The following P4HA1 variants were observed in gnomAD, a reference collection of about 807,000 sequenced individuals.
P4HA1 encodes the protein prolyl 4-hydroxylase subunit alpha-1.
A neutral mutation model predicts 72.8 loss-of-function variants in P4HA1; 24 were observed. That is an observed-to-expected ratio of 0.33 (90% confidence interval 0.24 to 0.46). The LOEUF (loss-of-function observed/expected upper bound fraction) is 0.46, where lower values mean the gene tolerates loss of function less well. P4HA1 is among the 20% of genes least tolerant of loss of function. P4HA1 has a pLI of 1.00. For missense variants in P4HA1, 446 were observed against 640.6 expected (o/e 0.70, Z 3.28); for synonymous variants, 201 against 218.8 (o/e 0.92, Z 0.72).
Position 73,065,983 on chromosome 10 carries a change from A to G in P4HA1, c.463+2863T>C, listed in dbSNP as rs140813214. ...ACATAGAGTATGATGTACTATTGAC[A>G]TAAAATTTAAAAACACAATACAATG... On this transcript the variant is annotated intron_variant, in intron 5 of 14. Coordinates refer to ENST00000394890, the MANE Select transcript of P4HA1 (RefSeq NM_001017962.3). 4.4e-4 allele frequency among the ~76,000 whole-genome samples: 67 copies of G among 152,346 alleles called. 1 individual carries two copies. Among genetic ancestry groups the G allele is most frequent in the African/African-American group, 1.3e-3 (56 of 41,582 alleles).
chr10:73,050,095 G>A (rs1659135797), intron 7 of P4HA1, among the ~76,000 whole-genome samples: 1 of 151,910 alleles, frequency 6.6e-6, no homozygotes, highest in African/African-American at 2.4e-5. Context: ...GAACCCAGGA[G>A]GCGGAGGTTG....
intron 9 of P4HA1, among the ~76,000 whole-genome samples, chr10:73,030,579 GA>G (rs1167837671): frequency 2.0e-5 from 3 of 152,042 alleles, no homozygotes; most frequent in South Asian, 2.1e-4. Context: ...GGTTGGGAAG[GA>G]AAAAACTAAT....
intron 7 of P4HA1, among the ~76,000 whole-genome samples, chr10:73,049,112 G>A (rs1204980714): frequency 6.1e-5 from 8 of 132,218 alleles, no homozygotes; most frequent in South Asian, 2.6e-4. Flanking sequence ...GCGAGACTCC[G>A]TCTCAGAGAA....
intron 9 of P4HA1, among the ~76,000 whole-genome samples, chr10:73,038,260 GAAAAT>G (rs939513698): frequency 1.3e-5 from 2 of 151,796 alleles, no homozygotes; most frequent in African/African-American, 4.8e-5. Context: ...GTCTCCGAAA[GAAAAT>G]AAAGTAAAAT....
At chr10:73,008,757 C>T (rs1393396606) in intron 14 of P4HA1, among the ~76,000 whole-genome samples, 1 of 152,060 alleles carries the variant, frequency 6.6e-6, no homozygotes, top group African/African-American at 2.4e-5. Context: ...GTATGCTCAT[C>T]AAGTTTCCAA....
At chr10:73,068,147 C>T (rs542063004) in intron 5 of P4HA1, among the ~76,000 whole-genome samples, 82 of 152,236 alleles carry the variant, frequency 5.4e-4, no homozygotes, top group Admixed American at 5.2e-4. Flanking sequence ...TTTTTACCAA[C>T]GGATACCTTC....
intron 5 of P4HA1, 115 bp from the exon 6 acceptor site, chr10:73,053,705 T>C: frequency 2.4e-6 from 2 of 832,766 alleles, no homozygotes; most frequent in Non-Finnish European, 3.7e-6. Context: ...ACAATAATCC[T>C]CTGGATGAGC....
chr10:73,078,600 ATTTTTTTTTTTT>A (rs770821126), intron 1 of P4HA1, among the ~76,000 whole-genome samples: 10 of 99,630 alleles, frequency 1.0e-4, no homozygotes, highest in South Asian at 7.3e-4. Context: ...GCAGTAGGTA[ATTTTTTTTTTTT>A]TTTTTTTTTT....
rs572506622 is a variant in P4HA1 at position 73,049,328 on chromosome 10, T to C, written c.900+1725A>G. 9.8e-5 allele frequency among the ~76,000 whole-genome samples: 15 copies of C among 152,298 alleles called. No individual in the cohort carries two copies. The South Asian group carries it at 3.1e-3, about 32-fold the overall frequency. ...TTGAGTTTACCAGTAGTAAAGAAAATGTTAAACACTTTTCAAATGTTTACA... is the reference window on the plus strand; with the variant it reads ...TTGAGTTTACCAGTAGTAAAGAAAACGTTAAACACTTTTCAAATGTTTACA... On this transcript the variant is annotated intron_variant, in intron 7 of 14. Coordinates refer to ENST00000394890, the MANE Select transcript of P4HA1 (RefSeq NM_001017962.3).
chr10:73,083,333 A>G (rs746742592), intron 1 of P4HA1, among the ~76,000 whole-genome samples: 1 of 152,194 alleles, frequency 6.6e-6, no homozygotes. Context: ...CAAATTCAGA[A>G]ATCACGCTAG....
intron 10 of P4HA1, among the ~76,000 whole-genome samples, chr10:73,027,527 A>G (rs1235468099): frequency 6.6e-6 from 1 of 150,488 alleles, no homozygotes; most frequent in Non-Finnish European, 1.5e-5. Flanking sequence ...CAGCAAACCA[A>G]CATGGCACAT....
At chr10:73,070,770 ACT>A (rs1841539757) in intron 4 of P4HA1, among the ~76,000 whole-genome samples, 1 of 152,136 alleles carries the variant, frequency 6.6e-6, no homozygotes. Flanking sequence ...AAATATATAT[ACT>A]CTCTCATAGC....
At chr10:73,042,298 T>C (rs1840754230) in intron 9 of P4HA1, among the ~76,000 whole-genome samples, 1 of 152,146 alleles carries the variant, frequency 6.6e-6, no homozygotes, top group Admixed American at 6.5e-5. Flanking sequence ...AAAAGGCATA[T>C]GGTCCTGCCC....
In P4HA1 at chr10:73,056,803, G is replaced by A. The variant is rs530783175; in HGVS notation, c.464-3213C>T. Among the ~76,000 whole-genome samples the A allele has an allele frequency of 5.9e-5, 9 of 152,312 alleles. No individual in the cohort carries two copies. In the East Asian group the frequency reaches 9.7e-4, roughly 16 times the overall value. On this transcript the variant is annotated intron_variant, in intron 5 of 14. Transcript: ENST00000394890. ...AAGGCCGAGTGCGTGGCTCACGCCTGTAATCCCAGCAGTTTGGGAGGCTGA... is the reference window on the plus strand; with the variant it reads ...AAGGCCGAGTGCGTGGCTCACGCCTATAATCCCAGCAGTTTGGGAGGCTGA...
At chr10:73,096,360 C>T (rs1315240656) in intron 1 of P4HA1, among the ~76,000 whole-genome samples, 1 of 152,156 alleles carries the variant, frequency 6.6e-6, no homozygotes, top group Non-Finnish European at 1.5e-5. Flanking sequence ...GCCAAAAGCC[C>T]ACGCCCCGCG....
chr10:73,057,121 G>A (rs1195605222), intron 5 of P4HA1, among the ~76,000 whole-genome samples: 4 of 151,458 alleles, frequency 2.6e-5, no homozygotes, highest in Admixed American at 6.6e-5. Flanking sequence ...CCAGCAGAGA[G>A]AGCTGAATAA....
intron 9 of P4HA1, among the ~76,000 whole-genome samples, chr10:73,031,175 T>C (rs1589587689): frequency 6.6e-6 from 1 of 152,282 alleles, no homozygotes; most frequent in Admixed American, 6.5e-5. Flanking sequence ...TGGAATATTA[T>C]TGTGTCACAA....
rs1284017905 is a variant in P4HA1, at chr10:73,068,871, A to G, written c.438T>C (p.Asp146=). 6.2e-7 allele frequency: 1 copy of G among 1,612,492 alleles called. No individual in the cohort carries two copies. Among genetic ancestry groups the G allele is most frequent in the East Asian group, 2.2e-5 (1 of 44,844 alleles). Residue 146 remains aspartate (D), a synonymous_variant, in exon 5 of 15, where the codon GAT becomes GAC. Transcript: ENST00000394890. ...RLQDTYNLDT[D]TISKGNLPGV... ...CTGGAAGATTACCCTTTGAGATGGTATCTGTATCCAAATTGTAGGTATCCT... is the reference window on the plus strand; with the variant it reads ...CTGGAAGATTACCCTTTGAGATGGTGTCTGTATCCAAATTGTAGGTATCCT...
chr10:73,061,030 A>G (rs1462320247), intron 5 of P4HA1, among the ~76,000 whole-genome samples: 1 of 152,166 alleles, frequency 6.6e-6, no homozygotes, highest in Non-Finnish European at 1.5e-5. Flanking sequence ...GGAATAATGG[A>G]ATGAAAAAAA....
Sources: gnomAD v4.1 joint callset for allele counts (sites outside exome capture counted in the v4.1 genomes callset) on GRCh38, gnomAD v4.1.1 for gene constraint, MANE v1.5 for transcripts, NCBI Gene and HGNC (gene_info 2026-07-23, HGNC 2026-07-21) for gene names.